MAGEA11: variants seen among roughly 807,000 people sequenced by gnomAD.
The protein encoded by MAGEA11 is MAGE family member A11.
Under a neutral mutation model 8.4 loss-of-function variants are expected in MAGEA11, and 1 was observed. The ratio of observed to expected loss-of-function variants is 0.12; its 90% CI spans 0.04 to 0.57. The LOEUF (loss-of-function observed/expected upper bound fraction) is 0.57, where lower values mean the gene tolerates loss of function less well. Ranked by LOEUF, MAGEA11 falls within the 20% of genes least tolerant of loss-of-function variation. MAGEA11 has a pLI of 0.91. For synonymous variants in MAGEA11, 127 were observed against 119.3 expected, an observed-to-expected ratio of 1.06 and a Z score of -0.42; for missense variants, 209 against 317.3, an observed-to-expected ratio of 0.66 and a Z score of 2.59.
intron 1 of MAGEA11, among the ~76,000 whole-genome samples, chrX:149,704,561 G>A (rs1939694080): frequency 8.9e-6 from 1 of 112,249 alleles, no homozygotes; most frequent in Admixed American, 9.4e-5. Flanking sequence ...TGAGAAGATG[G>A]TGGAGCCTGA....
At position 149,694,638 on chromosome X, in the gene MAGEA11, C is replaced by A. The variant is rs191976579; in HGVS notation, c.9+5654C>A. On this transcript the variant is annotated intron_variant, in intron 1 of 3. Transcript: ENST00000333104. ...TTCTCAAATCTCCAAAACACTCCAG[C>A]CTTCAACAGTATCTGATGATTTTCC... Among the ~76,000 whole-genome samples, 269 of 112,488 alleles carry A rather than the reference C, an allele frequency of 2.4e-3. 4 individuals carry two copies. The highest frequency in any genetic ancestry group is 0.015 in the South Asian group (40 of 2,705).
At chrX:149,691,340 G>A (rs2090309680) in intron 1 of MAGEA11, among the ~76,000 whole-genome samples, 1 of 111,369 alleles carries the variant, frequency 9.0e-6, no homozygotes, top group Non-Finnish European at 1.9e-5. Context: ...AGTGTCATGT[G>A]TGTGTTTTAT....
At chrX:149,713,552 C>T (rs1418325184) in intron 2 of MAGEA11, 4 of 258,011 alleles carry the variant, frequency 1.6e-5, no homozygotes, top group Non-Finnish European at 2.7e-5. Context: ...CTGCAAAACT[C>T]ATCCACAGTT....
At chrX:149,707,243 G>A (rs2090381282), upstream of MAGEA11, among the ~76,000 whole-genome samples, 1 of 112,370 alleles carries the variant, frequency 8.9e-6, no homozygotes, top group South Asian at 3.7e-4. Flanking sequence ...TACTGAGCAT[G>A]TATTGTGTGC....
chrX:149,709,141 C>A (rs782134039), upstream of MAGEA11, among the ~76,000 whole-genome samples: 1 of 109,471 alleles, frequency 9.1e-6, no homozygotes, highest in African/African-American at 3.3e-5. Flanking sequence ...AAAAATTAGC[C>A]GGGTGTGGTA....
intron 1 of MAGEA11, among the ~76,000 whole-genome samples, chrX:149,690,567 A>T (rs1310764718): frequency 8.9e-6 from 1 of 112,666 alleles, no homozygotes; most frequent in Non-Finnish European, 1.9e-5. Context: ...CCTATGGTCT[A>T]TTCTAAGCAT....
chrX:149,700,713 C>T (rs1397005411), intron 1 of MAGEA11, among the ~76,000 whole-genome samples: 2 of 98,836 alleles, frequency 2.0e-5, no homozygotes, highest in African/African-American at 7.3e-5. Flanking sequence ...TATCCCTCCC[C>T]CCTCCCCTGA....
At chrX:149,688,685 CATATACATAT>C (rs2090297472), upstream of MAGEA11, 18 of 191,665 alleles carry the variant, frequency 9.4e-5, no homozygotes, top group Non-Finnish European at 1.7e-4. Flanking sequence ...TATACATATA[CATATACATAT>C]ACATATACAT....
In MAGEA11 at chrX:149,704,172, C is replaced by G. The variant is rs371780339; in HGVS notation, c.10-10309C>G. The stretch of plus-strand genomic sequence containing the variant: ...TTGAAACAGAATCCTACCCAATGGC[C>G]TCTCTCCTGTTCTATCCATATGACA... On this transcript the variant is annotated intron_variant, in intron 1 of 3. Transcript: ENST00000333104. Among the ~76,000 whole-genome samples, 8 of 111,935 alleles carry G rather than the reference C, an allele frequency of 7.1e-5. No individual in the cohort carries two copies. The East Asian group carries it at 1.1e-3, about 16-fold the overall frequency.
Position 149,713,262 on chromosome X carries a change from A to G in MAGEA11, c.96+7A>G, listed in dbSNP as rs782026785. ...AGGAGACTTTGGACTCCAGGTCAGT[A>G]GGGACCTTGGCCCTTGGAGTTCCAA... On this transcript the variant is annotated splice_region_variant and intron_variant, in intron 2 of 4. Transcript: ENST00000355220. 4 of 1,141,106 alleles carry G rather than the reference A, an allele frequency of 3.5e-6. No homozygotes were observed. Among genetic ancestry groups the G allele is most frequent in the Non-Finnish European group, 3.6e-6 (3 of 838,587 alleles). The allele number at this position is 1,141,106 out of a possible 1,213,427, so 94.0% of individuals were successfully genotyped here.
Position 149,716,503 on chromosome X carries a change from C to T in MAGEA11, c.1017C>T (p.Ser339=), listed in dbSNP as rs1557362535. 2 of 1,211,639 alleles carry T rather than the reference C, an allele frequency of 1.7e-6. No individual in the cohort carries two copies. The highest frequency in any genetic ancestry group is 1.1e-6 in the Non-Finnish European group (1 of 895,437). ...IPEEVMWEVL[S]IMGVYAGREH... is the part of the protein sequence containing the mutation. ...AAGAGGTTATGTGGGAAGTCCTGAGCATTATGGGGGTGTATGCTGGAAGGG... is the reference window on the plus strand; with the variant it reads ...AAGAGGTTATGTGGGAAGTCCTGAGTATTATGGGGGTGTATGCTGGAAGGG... Residue 339 remains serine, a synonymous_variant, in exon 5 of 5, where the codon AGC becomes AGT. Transcript: ENST00000355220.
At chrX:149,713,008 A>G in intron 1 of MAGEA11, 135 bp from the exon 2 acceptor site, 1 of 457,880 alleles carries the variant, frequency 2.2e-6, no homozygotes, top group Non-Finnish European at 3.8e-6. Flanking sequence ...AGAAAGACCT[A>G]GGGGGAGCAC....
Position 149,716,899 on chromosome X carries a change from A to AACACT in MAGEA11, c.*123_*124insACACT. On this transcript the variant is annotated 3_prime_UTR_variant, in exon 5 of 5. Coordinates refer to ENST00000355220, the MANE Select transcript of MAGEA11 (RefSeq NM_005366.5). ...CATTCTTCCCTCTGTGTTTGATGAG[A>AACACT]GAAGTCAGTGTTCTCAGTAGTAGAA... 2 of 673,918 alleles carry AACACT rather than the reference A, an allele frequency of 3.0e-6. No individual in the cohort carries two copies. The highest frequency in any genetic ancestry group is 4.4e-6 in the Non-Finnish European group (2 of 449,853). 55.5% of individuals were successfully genotyped at this position (673,918 alleles called of 1,213,427 possible). A position where few individuals can be genotyped will look rare whatever the true frequency, so the allele number is the denominator to read the frequency against.
chrX:149,714,298 T>A, intron 2 of MAGEA11, 183 bp from the exon 3 acceptor site: 1 of 607,896 alleles, frequency 1.6e-6, no homozygotes, highest in Non-Finnish European at 2.5e-6. Context: ...ATATGTCTGC[T>A]CATCTCAGGG....
chrX:149,704,771 T>C (rs7066571), intron 1 of MAGEA11, among the ~76,000 whole-genome samples: 3,891 of 112,466 alleles, frequency 0.035, 164 homozygotes, highest in African/African-American at 0.12. Context: ...CCTTGCTGTG[T>C]ACCTGCCTGG....
chrX:149,698,933 C>T (rs1239945471), intron 1 of MAGEA11, among the ~76,000 whole-genome samples: 1 of 111,838 alleles, frequency 8.9e-6, no homozygotes, highest in Non-Finnish European at 1.9e-5. Flanking sequence ...CTGCAAAGGA[C>T]ATTATCTCAT....
upstream of MAGEA11, among the ~76,000 whole-genome samples, chrX:149,707,434 G>A (rs1557361576): frequency 8.9e-6 from 1 of 111,872 alleles, no homozygotes; most frequent in East Asian, 2.8e-4. Context: ...GAACTCACCT[G>A]GGGGAGGTCT....
chrX:149,715,366 A>G (rs2090421580), intron 3 of MAGEA11, among the ~76,000 whole-genome samples: 1 of 111,766 alleles, frequency 8.9e-6, no homozygotes, highest in Non-Finnish European at 1.9e-5. Context: ...AGAAGCTCCA[A>G]AAACTGAGCA....
At chrX:149,688,919 C>T (rs1305958128) in exon 1 of MAGEA11, 217 of 1,003,007 alleles carry the variant, frequency 2.2e-4, no homozygotes, top group Non-Finnish European at 2.8e-4. Flanking sequence ...GAGGTGGGTG[C>T]TATGCAAGTG....
Sources: allele counts gnomAD v4.1 joint callset (sites outside exome capture counted in the v4.1 genomes callset), GRCh38; gene constraint gnomAD v4.1.1; transcripts MANE v1.5; gene names NCBI Gene and HGNC (gene_info 2026-07-23, HGNC 2026-07-21).